The following KLHDC10 variants were observed in gnomAD, a reference collection of about 807,000 sequenced individuals.
The protein encoded by KLHDC10 is kelch domain containing 10, also known as kelch domain-containing protein 10.
A neutral mutation model predicts 56.1 loss-of-function variants in KLHDC10; 24 were observed. The ratio of observed to expected loss-of-function variants is 0.43; its 90% CI spans 0.31 to 0.60. The LOEUF (loss-of-function observed/expected upper bound fraction) is 0.60. Ranked by LOEUF, KLHDC10 falls within the 20% of genes least tolerant of loss-of-function variation. KLHDC10 has a pLI of 0.11. For synonymous variants in KLHDC10, 188 were observed against 207.1 expected (o/e 0.91, Z 0.79); for missense variants, 349 against 567.0 (o/e 0.62, Z 3.91).
At chr7:130,076,802 A>G (rs916102634) in intron 1 of KLHDC10, among the ~76,000 whole-genome samples, 2 of 152,040 alleles carry the variant, frequency 1.3e-5, no homozygotes, top group African/African-American at 4.8e-5. Context: ...ATTCTGTTTC[A>G]TTGATCAGAT....
intron 1 of KLHDC10, 21 bp from the exon 2 acceptor site, chr7:130,096,900 T>C: frequency 6.4e-7 from 1 of 1,573,802 alleles, no homozygotes. Context: ...TCTGACTTAT[T>C]GCTGATAATT....
chr7:130,076,302 T>C (rs998965155), intron 1 of KLHDC10, among the ~76,000 whole-genome samples: 1 of 152,168 alleles, frequency 6.6e-6, no homozygotes, highest in Non-Finnish European at 1.5e-5. Context: ...CAGGGGTCCA[T>C]GGCCTGGGGC....
At chr7:130,122,498 A>G (rs548962319) in intron 5 of KLHDC10, among the ~76,000 whole-genome samples, 1 of 152,318 alleles carries the variant, frequency 6.6e-6, no homozygotes, top group South Asian at 2.1e-4. Context: ...AGTGGTAACA[A>G]CTATAACCAA....
At chr7:130,088,422 G>C (rs1218190007) in intron 1 of KLHDC10, among the ~76,000 whole-genome samples, 2 of 147,422 alleles carry the variant, frequency 1.4e-5, no homozygotes, top group Non-Finnish European at 3.0e-5. Flanking sequence ...TTACAGGCTC[G>C]CACCACCACG....
chr7:130,096,131 A>G (rs1202615665), intron 1 of KLHDC10, among the ~76,000 whole-genome samples: 1 of 152,168 alleles, frequency 6.6e-6, no homozygotes, highest in Non-Finnish European at 1.5e-5. Context: ...ATGAGGTAAT[A>G]TATGTGAAAG....
chr7:130,104,540 C>T (rs1584630006), intron 2 of KLHDC10, among the ~76,000 whole-genome samples: 2 of 152,266 alleles, frequency 1.3e-5, no homozygotes, highest in East Asian at 3.9e-4. Context: ...GAGGCTTAAG[C>T]AGGTGTTCTT....
chr7:130,088,822 A>G (rs1255326876), intron 1 of KLHDC10, among the ~76,000 whole-genome samples: 1 of 143,792 alleles, frequency 7.0e-6, no homozygotes, highest in Non-Finnish European at 1.5e-5. Context: ...TAGTAAAGAC[A>G]GGATTTCACC....
chr7:130,109,827 T>C (rs1047894212), intron 2 of KLHDC10, among the ~76,000 whole-genome samples: 1 of 151,860 alleles, frequency 6.6e-6, no homozygotes, highest in African/African-American at 2.4e-5. Flanking sequence ...TTAGTAGAGA[T>C]AGGGTTTCAC....
At chr7:130,089,126 AC>A (rs1241425457) in intron 1 of KLHDC10, among the ~76,000 whole-genome samples, 1 of 152,162 alleles carries the variant, frequency 6.6e-6, no homozygotes, top group Non-Finnish European at 1.5e-5. Context: ...TAAAAAAAAA[AC>A]ATATATTTTA....
At chr7:130,086,281 C>T (rs534341791) in intron 1 of KLHDC10, among the ~76,000 whole-genome samples, 6 of 152,224 alleles carry the variant, frequency 3.9e-5, no homozygotes, top group African/African-American at 1.2e-4. Context: ...ATTGGGCAAG[C>T]TTGTAGAACA....
intron 1 of KLHDC10, among the ~76,000 whole-genome samples, chr7:130,091,921 A>T (rs1260888340): frequency 6.6e-6 from 1 of 152,198 alleles, no homozygotes; most frequent in African/African-American, 2.4e-5. Flanking sequence ...ATATAAAAAA[A>T]TTTCTTTATT....
At chr7:130,072,476 G>A (rs1374368449) in intron 1 of KLHDC10, among the ~76,000 whole-genome samples, 1 of 152,256 alleles carries the variant, frequency 6.6e-6, no homozygotes, top group East Asian at 1.9e-4. Flanking sequence ...TGTAAAGCGG[G>A]GTCATCAGTC....
In KLHDC10 at chr7:130,128,875, T is replaced by TAAAA. The variant is rs1164826285; in HGVS notation, c.980-550_980-547dup. ...GGTAATATAGTGAGACCTTGTCTCT[T>TAAAA]AAAAAAAAAAAAAAATATATATATA... On this transcript the variant is annotated intron_variant, in intron 8 of 9. Transcript: ENST00000335420. Among the ~76,000 whole-genome samples, 200 of 42,292 alleles carry TAAAA rather than the reference T, an allele frequency of 4.7e-3. 11 individuals are homozygous for TAAAA. The highest frequency in any genetic ancestry group is 0.012 in the African/African-American group (81 of 6,868). 27.7% of individuals were successfully genotyped at this position (42,292 alleles called of 152,430 possible). A position where few individuals can be genotyped will look rare whatever the true frequency, so the allele number is the denominator to read the frequency against.
chr7:130,108,438 C>T (rs1033765810), intron 2 of KLHDC10, among the ~76,000 whole-genome samples: 4 of 151,544 alleles, frequency 2.6e-5, no homozygotes, highest in African/African-American at 9.7e-5. Flanking sequence ...CACGGTGGCT[C>T]ACGCCTGTAA....
chr7:130,076,593 A>G (rs1403999017), intron 1 of KLHDC10, among the ~76,000 whole-genome samples: 1 of 152,114 alleles, frequency 6.6e-6, no homozygotes, highest in East Asian at 1.9e-4. Context: ...CTGTAATTTT[A>G]TTTTTAAGTT....
intron 1 of KLHDC10, among the ~76,000 whole-genome samples, chr7:130,071,964 A>G (rs1312700698): frequency 6.6e-6 from 1 of 152,214 alleles, no homozygotes; most frequent in African/African-American, 2.4e-5. Context: ...GATGTGTGCT[A>G]GAAATGTACA....
chr7:130,116,304 T>C lies in KLHDC10; in HGVS notation c.254-141T>C. 1 of 631,774 alleles carries C rather than the reference T, an allele frequency of 1.6e-6. No homozygotes were observed. The highest frequency in any genetic ancestry group is 2.8e-6 in the Non-Finnish European group (1 of 358,072). The allele number at this position is 631,774 out of a possible 1,614,324, so 39.1% of individuals were successfully genotyped here. A position where few individuals can be genotyped will look rare whatever the true frequency, so the allele number is the denominator to read the frequency against. ...ATTATTAGGAAGTATATCCATGTTA[T>C]AAATCTAAACAAATAAGAAGTATAT... On this transcript the variant is annotated intron_variant, in intron 2 of 9. Coordinates refer to ENST00000335420, the MANE Select transcript of KLHDC10 (RefSeq NM_014997.4). This position sits in a 1 kb window ranked among gnomAD's most constrained non-coding sequence, Gnocchi z 4.8.
intron 2 of KLHDC10, among the ~76,000 whole-genome samples, chr7:130,107,678 T>A (rs192485268): frequency 6.6e-6 from 1 of 151,178 alleles, no homozygotes; most frequent in Non-Finnish European, 1.5e-5. Flanking sequence ...ACCCAGTCTT[T>A]ACTAAAAATA....
At chr7:130,108,070 CAAAA>C (rs1241868040) in intron 2 of KLHDC10, among the ~76,000 whole-genome samples, 1 of 147,068 alleles carries the variant, frequency 6.8e-6, no homozygotes, top group Non-Finnish European at 1.5e-5. Context: ...AAAAACAAAA[CAAAA>C]AAAAACTAGC....
Sources: allele counts gnomAD v4.1 joint callset (sites outside exome capture counted in the v4.1 genomes callset), GRCh38; gene constraint gnomAD v4.1.1; non-coding constraint Gnocchi (gnomAD v3.1); transcripts MANE v1.5; gene names NCBI Gene and HGNC (gene_info 2026-07-23, HGNC 2026-07-21).